NRCAM: variants seen among roughly 807,000 people sequenced by gnomAD.
NRCAM encodes the protein NgCAM-related cell adhesion molecule.
Under a neutral mutation model 156.5 loss-of-function variants are expected in NRCAM, and 83 were observed. That is an observed-to-expected ratio of 0.53 (90% CI 0.44 to 0.64). The LOEUF (loss-of-function observed/expected upper bound fraction) is 0.64. Among genes scored for constraint, NRCAM ranks in the 30% least tolerant of loss-of-function variants. The pLI is 0.00. For synonymous variants in NRCAM, 538 were observed against 563.9 expected (o/e 0.95, Z 0.65); for missense variants, 1,417 against 1,597.3 (o/e 0.89, Z 1.92).
At chr7:108,432,792 C>T (rs970552918) in intron 1 of NRCAM, among the ~76,000 whole-genome samples, 6 of 151,962 alleles carry the variant, frequency 3.9e-5, no homozygotes, top group African/African-American at 1.5e-4. Context: ...GTCCTAGCTA[C>T]TAGGAAGCAT....
rs1442618593 is a variant in NRCAM, at chr7:108,226,341, T to G, written c.588A>C (p.Gln196His). The stretch of plus-strand genomic sequence containing the variant: ...AAAAATAAAGGTCCCCATTCAAACC[T>G]TGAGAAACTCTCTCACTTTGTGGAA... Reference protein sequence around the residue: ...QRLPQSERVSQGLNGDLYFSN... With the variant: ...QRLPQSERVSHGLNGDLYFSN... The change falls in exon 9 of 33, where the codon CAA (glutamine) becomes CAC (histidine). Residue 196 changes from glutamine (Q) to histidine (H), a missense_variant. Gln to His is a conservative substitution (Grantham distance 24). This residue lies in a region of NRCAM where 1,238 missense variants were observed against 1,336.4 expected (regional missense o/e 0.93). Coordinates refer to ENST00000379028, the MANE Select transcript of NRCAM (RefSeq NM_001037132.4). 4.3e-6 allele frequency: 7 copies of G among 1,612,794 alleles called. No homozygotes were observed. Among genetic ancestry groups the G allele is most frequent in the South Asian group, 1.1e-5 (1 of 90,982 alleles).
rs114710367 is a variant in NRCAM at position 108,281,208 on chromosome 7, G to A, written c.-107+31457C>T. 9.6e-3 allele frequency among the ~76,000 whole-genome samples: 1,462 copies of A among 152,074 alleles called. 26 individuals are homozygous for A. The highest frequency in any genetic ancestry group is 0.033 in the African/African-American group (1,371 of 41,484). On this transcript the variant is annotated intron_variant, in intron 3 of 32. Transcript: ENST00000379028. ...AAATTCAATACCTGAGTAATTTCTT[G>A]TCTTCAATTATATAGTTGTTTACAT...
At position 108,223,755 on chromosome 7, in the gene NRCAM, A is replaced by G; in HGVS notation, c.860T>C (p.Val287Ala). Residue 287 changes from valine (V) to alanine (A), a missense_variant, in exon 11 of 33, where the codon GTG becomes GCG. Physicochemically the swap from Val to Ala is moderately conservative, Grantham distance 64. Around this residue, in one of 2 missense-constraint regions of NRCAM, gnomAD observed 1,238 missense variants for 1,336.4 expected, o/e 0.93. Transcript: ENST00000379028. ...TTCTGCAATGCACTCCAGTGAAAGCACATTTCCTCTTAATTCCTCTTTGTT... is the reference window on the plus strand; with the variant it reads ...TTCTGCAATGCACTCCAGTGAAAGCGCATTTCCTCTTAATTCCTCTTTGTT... ...ASNKEELRGN[V>A]LSLECIAEGL... The G allele has an allele frequency of 1.2e-6, 2 of 1,603,288 alleles. No individual in the cohort carries two copies. The highest frequency in any genetic ancestry group is 1.7e-6 in the Non-Finnish European group (2 of 1,170,348).
chr7:108,186,127 G>A (rs2066641033), intron 20 of NRCAM, among the ~76,000 whole-genome samples: 1 of 152,318 alleles, frequency 6.6e-6, no homozygotes, highest in Non-Finnish European at 1.5e-5. Context: ...ACCATGATAT[G>A]CACTATAAAC....
At chr7:108,259,177 C>T (rs113532385) in intron 3 of NRCAM, among the ~76,000 whole-genome samples, 10 of 152,248 alleles carry the variant, frequency 6.6e-5, no homozygotes, top group South Asian at 4.2e-4. Flanking sequence ...CTAAAGAACT[C>T]GTGTACTTTT....
intron 13 of NRCAM, among the ~76,000 whole-genome samples, chr7:108,204,495 T>TA (rs1371382743): frequency 1.3e-5 from 2 of 152,222 alleles, no homozygotes; most frequent in Non-Finnish European, 2.9e-5. Context: ...GGTAATCCAC[T>TA]TTCAGCTTGG....
At chr7:108,360,847 A>G (rs1279032907) in intron 2 of NRCAM, among the ~76,000 whole-genome samples, 3 of 152,232 alleles carry the variant, frequency 2.0e-5, no homozygotes, top group South Asian at 2.1e-4. Flanking sequence ...ACTAACTCAA[A>G]CCAGATCACA....
At chr7:108,217,327 C>T (rs941217885) in intron 11 of NRCAM, among the ~76,000 whole-genome samples, 17 of 152,154 alleles carry the variant, frequency 1.1e-4, no homozygotes, top group Non-Finnish European at 1.8e-4. Flanking sequence ...AGATGTCAGC[C>T]GGAGCTCTCC....
Position 108,182,641 on chromosome 7 carries a change from T to G in NRCAM, c.2530+54A>C. ...TGAGCAAGGAGAAATGGCCTTGGCT[T>G]GCACCTTGGTAAGTCTGTTTTGCTG... On this transcript the variant is annotated intron_variant, in intron 23 of 32. Coordinates refer to ENST00000379028, the MANE Select transcript of NRCAM (RefSeq NM_001037132.4). The G allele has an allele frequency of 1.3e-6, 2 of 1,540,772 alleles. 1 individual carries two copies. Among genetic ancestry groups the G allele is most frequent in the South Asian group, 2.3e-5 (2 of 88,410 alleles).
rs80199181 is a variant in NRCAM at position 108,436,416 on chromosome 7, G to A, written c.-332+19827C>T. ...TTAATTTTGTTTATGATAATGATGT[G>A]TTTATGTTCCAAAGAGCTGTGGCCT... On this transcript the variant is annotated intron_variant, in intron 1 of 32. Transcript: ENST00000379028. Among the ~76,000 whole-genome samples, 1,505 of 152,256 alleles carry A rather than the reference G, an allele frequency of 9.9e-3. 20 individuals carry two copies. The highest frequency in any genetic ancestry group is 0.034 in the African/African-American group (1,411 of 41,538).
At chr7:108,350,604 T>A (rs529301544) in intron 2 of NRCAM, among the ~76,000 whole-genome samples, 25 of 152,324 alleles carry the variant, frequency 1.6e-4, no homozygotes, top group African/African-American at 5.8e-4. Flanking sequence ...CTTTCATTAT[T>A]TTGCCCTGAC....
rs756314893 is a variant in NRCAM at position 108,234,720 on chromosome 7, A to G, written c.125-32T>C. ...TGTAGAAAAAAAAAAATGTAAAAAA[A>G]CAAATTATTTAAAATCATAATAGTA... On this transcript the variant is annotated intron_variant, in intron 5 of 32. Transcript: ENST00000379028. 6 of 1,472,866 alleles carry G rather than the reference A, an allele frequency of 4.1e-6. No homozygotes were observed. In the African/African-American group the frequency reaches 5.6e-5, roughly 14 times the overall value. The allele number at this position is 1,472,866 out of a possible 1,614,324, so 91.2% of individuals were successfully genotyped here.
At chr7:108,408,200 C>T (rs1473281501) in intron 1 of NRCAM, among the ~76,000 whole-genome samples, 2 of 152,126 alleles carry the variant, frequency 1.3e-5, no homozygotes, top group Non-Finnish European at 2.9e-5. Flanking sequence ...AATTGCCTAT[C>T]GTGTACTAGG....
intron 15 of NRCAM, among the ~76,000 whole-genome samples, chr7:108,195,342 G>A (rs1400161854): frequency 6.6e-6 from 1 of 152,336 alleles, no homozygotes; most frequent in Middle Eastern, 3.4e-3. Flanking sequence ...TAACAGTGTA[G>A]GCCAAGCACA....
chr7:108,326,559 C>T (rs186117902), intron 2 of NRCAM, among the ~76,000 whole-genome samples: 5 of 152,016 alleles, frequency 3.3e-5, no homozygotes, highest in Admixed American at 3.3e-4. Context: ...GAGAACTGGG[C>T]TAACAAAGTA....
chr7:108,440,966 G>A (rs1333727846), intron 1 of NRCAM, among the ~76,000 whole-genome samples: 1 of 152,166 alleles, frequency 6.6e-6, no homozygotes, highest in African/African-American at 2.4e-5. Flanking sequence ...TACTTCAGGT[G>A]CGATCTGGAC....
At chr7:108,179,877 C>A (rs1399413861) in intron 25 of NRCAM, among the ~76,000 whole-genome samples, 1 of 152,166 alleles carries the variant, frequency 6.6e-6, no homozygotes, top group Non-Finnish European at 1.5e-5. Flanking sequence ...TCAGATGAGG[C>A]TACTGACATT....
intron 15 of NRCAM, among the ~76,000 whole-genome samples, chr7:108,195,085 C>G (rs199972161): frequency 6.6e-6 from 1 of 151,516 alleles, no homozygotes; most frequent in Admixed American, 6.6e-5. Context: ...AACCCCCCCA[C>G]TATACCACAG....
rs559612850 is a variant in NRCAM, at chr7:108,252,350, T to C, written c.-106-12180A>G. Among the ~76,000 whole-genome samples the C allele has an allele frequency of 7.9e-5, 12 of 152,286 alleles. No individual in the cohort carries two copies. The South Asian group carries it at 2.1e-3, about 26-fold the overall frequency. ...CAGTTAGTCTGTCTGAGGAAGGCTT[T>C]CCAAATTTAGGTTTCTGTCTCCTTC... On this transcript the variant is annotated intron_variant, in intron 3 of 32. Coordinates refer to ENST00000379028, the MANE Select transcript of NRCAM (RefSeq NM_001037132.4).
Sources: allele counts gnomAD v4.1 joint callset (sites outside exome capture counted in the v4.1 genomes callset), GRCh38; gene constraint gnomAD v4.1.1; regional missense constraint gnomAD v4.1.1; transcripts MANE v1.5; gene names NCBI Gene and HGNC (gene_info 2026-07-23, HGNC 2026-07-21).